KALRN: variants seen among roughly 807,000 people sequenced by gnomAD.
The protein encoded by KALRN is kalirin RhoGEF kinase.
KALRN carries 70 observed loss-of-function variants against 353.7 expected under a neutral mutation model. The observed-to-expected ratio is 0.20, with a 90% CI of 0.16 to 0.24. KALRN has a LOEUF of 0.24. Ranked by LOEUF, KALRN falls within the 10% of genes least tolerant of loss-of-function variation. The probability of loss-of-function intolerance (pLI) is 1.00; values close to 1 mark genes in which losing one functional copy is unlikely to be tolerated. For synonymous variants in KALRN, 1,391 were observed against 1,434.8 expected (o/e 0.97, Z 0.69); for missense variants, 2,791 against 3,756.7 (o/e 0.74, Z 6.72).
intron 34 of KALRN, among the ~76,000 whole-genome samples, chr3:124,631,822 A>C (rs1180583061): frequency 6.6e-6 from 1 of 152,222 alleles, no homozygotes; most frequent in African/African-American, 2.4e-5. Context: ...TTGTTGACCC[A>C]GCTCCCAGTA....
chr3:124,578,827 C>G (rs2074371083), intron 34 of KALRN, among the ~76,000 whole-genome samples: 1 of 151,742 alleles, frequency 6.6e-6, no homozygotes, highest in Non-Finnish European at 1.5e-5. Flanking sequence ...GTGAGAATCA[C>G]CCCTGTGGGG....
At chr3:124,582,349 C>T (rs1006953259) in intron 34 of KALRN, among the ~76,000 whole-genome samples, 6 of 152,162 alleles carry the variant, frequency 3.9e-5, no homozygotes, top group Admixed American at 3.3e-4. Flanking sequence ...TGTAATTTCT[C>T]TGTTTTTGTA....
chr3:124,257,417 G>A (rs751358513), intron 3 of KALRN, among the ~76,000 whole-genome samples: 2 of 152,176 alleles, frequency 1.3e-5, no homozygotes, highest in Non-Finnish European at 1.5e-5. Context: ...ACTAAAGTTT[G>A]AGAAGCATTG....
chr3:124,236,274 T>A (rs2079749212), intron 3 of KALRN, among the ~76,000 whole-genome samples: 1 of 152,070 alleles, frequency 6.6e-6, no homozygotes, highest in East Asian at 1.9e-4. Context: ...ACAATGAATA[T>A]AAGGATGAAA....
chr3:124,105,335 C>G (rs2062203445), intron 1 of KALRN, among the ~76,000 whole-genome samples: 1 of 152,084 alleles, frequency 6.6e-6, no homozygotes, highest in South Asian at 2.1e-4. Context: ...ATGCCTGATT[C>G]ATTCATGCAT....
At chr3:124,226,712 C>T (rs1200890025) in intron 1 of KALRN, among the ~76,000 whole-genome samples, 2 of 152,112 alleles carry the variant, frequency 1.3e-5, no homozygotes, top group Non-Finnish European at 2.9e-5. Flanking sequence ...AATTTTATTG[C>T]CAAAATTCCC....
At chr3:124,127,397 T>A (rs2064810096) in intron 1 of KALRN, among the ~76,000 whole-genome samples, 3 of 152,106 alleles carry the variant, frequency 2.0e-5, no homozygotes, top group Non-Finnish European at 4.4e-5. Flanking sequence ...CTGAGGTTTC[T>A]GGACCCTACA....
intron 32 of KALRN, among the ~76,000 whole-genome samples, chr3:124,496,012 T>TGTATATATATATATATAC (rs2063788654): frequency 2.3e-5 from 1 of 43,696 alleles, no homozygotes; most frequent in Non-Finnish European, 3.8e-5. Flanking sequence ...TATATATATA[T>TGTATATATATATATATAC]ACACACACAT....
chr3:124,152,131 A>C (rs1341088841), intron 1 of KALRN: 3 of 1,301,264 alleles, frequency 2.3e-6, no homozygotes, highest in Non-Finnish European at 3.3e-6. Flanking sequence ...AGATCTCATG[A>C]ATCAGATCCT....
At chr3:124,284,260 C>A (rs919217697) in intron 5 of KALRN, among the ~76,000 whole-genome samples, 1 of 152,160 alleles carries the variant, frequency 6.6e-6, no homozygotes, top group Non-Finnish European at 1.5e-5. Flanking sequence ...GCTATCACTC[C>A]CCTCCAGTGG....
chr3:124,154,494 G>A (rs1046690995), intron 1 of KALRN, among the ~76,000 whole-genome samples: 5 of 152,202 alleles, frequency 3.3e-5, no homozygotes, highest in African/African-American at 1.2e-4. Context: ...CAAATCATGA[G>A]TGAACTCCCA....
At chr3:124,605,585 A>AG (rs1452507682) in intron 34 of KALRN, among the ~76,000 whole-genome samples, 14,099 of 121,724 alleles carry the variant, frequency 0.12, 1,582 homozygotes, top group East Asian at 0.41. Context: ...AAAAAAAAAA[A>AG]AAGAGAGAGA....
At chr3:124,378,162 A>G (rs1242333526) in intron 10 of KALRN, among the ~76,000 whole-genome samples, 1 of 150,978 alleles carries the variant, frequency 6.6e-6, no homozygotes. Flanking sequence ...TAATATTTTT[A>G]TGATCCCATT....
At position 124,584,883 on chromosome 3, in the gene KALRN, G is replaced by T. The variant is rs377324351; in HGVS notation, c.5182+21794G>T. On this transcript the variant is annotated intron_variant, in intron 34 of 59. Coordinates refer to ENST00000682506, the MANE Select transcript of KALRN (RefSeq NM_001388419.1). ...TCTTTGGGGTGGCTCTTTGCTAAGT[G>T]CTGCTGTTGCTTCCCGTGTAGAGGT... 6 of 1,605,300 alleles carry T rather than the reference G, an allele frequency of 3.7e-6. No individual in the cohort carries two copies. In the African/African-American group the frequency reaches 5.3e-5, roughly 14 times the overall value.
intron 31 of KALRN, among the ~76,000 whole-genome samples, chr3:124,491,960 C>A (rs767884611): frequency 1.3e-5 from 2 of 152,076 alleles, no homozygotes; most frequent in Non-Finnish European, 2.9e-5. Context: ...CAAGAGGGAG[C>A]CTTTCACCAG....
At chr3:124,584,558 G>A (rs1328790478) in intron 34 of KALRN, 47 of 1,246,456 alleles carry the variant, frequency 3.8e-5, no homozygotes, top group Non-Finnish European at 4.6e-5. Flanking sequence ...ATGAGGCTCC[G>A]GCCGCTGCTG....
At chr3:124,569,956 C>T (rs146339471) in intron 34 of KALRN, among the ~76,000 whole-genome samples, 3 of 152,302 alleles carry the variant, frequency 2.0e-5, no homozygotes, top group East Asian at 3.9e-4. Context: ...TGAGCTTAGT[C>T]CAACTCTGAT....
chr3:124,329,761 C>T, intron 7 of KALRN, 100 bp from the exon 8 acceptor site: 1 of 1,369,460 alleles, frequency 7.3e-7, no homozygotes, highest in Non-Finnish European at 1.0e-6. Context: ...TTTCAGAAGT[C>T]CTGATGTTTC....
intron 5 of KALRN, among the ~76,000 whole-genome samples, chr3:124,286,087 CTT>C (rs1354737389): frequency 8.1e-6 from 1 of 124,020 alleles, no homozygotes; most frequent in Non-Finnish European, 1.7e-5. Flanking sequence ...TCCTTCCTTT[CTT>C]TCTTTCTTTC....
Sources: allele counts gnomAD v4.1 joint callset (sites outside exome capture counted in the v4.1 genomes callset), GRCh38; gene constraint gnomAD v4.1.1; transcripts MANE v1.5; gene names NCBI Gene and HGNC (gene_info 2026-07-23, HGNC 2026-07-21).